Variants in ALK observed in about 807,000 individuals in gnomAD.
ALK encodes ALK tyrosine kinase receptor.
A neutral mutation model predicts 163.1 loss-of-function variants in ALK; 74 were observed. The ratio of observed to expected loss-of-function variants is 0.45; its 90% CI spans 0.38 to 0.55. The LOEUF is 0.55. ALK is among the 20% of genes least tolerant of loss of function. ALK has a pLI of 0.00. For missense variants in ALK, 2,063 were observed against 2,105.3 expected (o/e 0.98, Z 0.39); for synonymous variants, 960 against 843.2 (o/e 1.14, Z -2.40).
chr2:29,232,856 C>G (rs149690469), intron 14 of ALK, among the ~76,000 whole-genome samples: 1 of 152,148 alleles, frequency 6.6e-6, no homozygotes, highest in African/African-American at 2.4e-5. Context: ...CTGGCTCTGA[C>G]CCCCAAAGAT....
chr2:29,300,502 C>A (rs1023637163), intron 8 of ALK, among the ~76,000 whole-genome samples: 1 of 146,400 alleles, frequency 6.8e-6, no homozygotes, highest in Non-Finnish European at 1.5e-5. Context: ...TTGCAGTGAG[C>A]CGAGATTGTG....
At chr2:29,776,234 A>T (rs1226268444) in intron 1 of ALK, among the ~76,000 whole-genome samples, 556 of 6,508 alleles carry the variant, frequency 0.085, 9 homozygotes, top group Admixed American at 0.44. Flanking sequence ...TTAAAAAAAA[A>T]AAAAAAAAAA....
At position 29,201,424 on chromosome 2, in the gene ALK, T is replaced by C. The variant is rs191898056; in HGVS notation, c.3939-3748A>G. ...CAAGCCCAAAACCCAGGAGTCATCC[T>C]TGACTCCGTTATCCCACACCCCTCC... On this transcript the variant is annotated intron_variant, in intron 26 of 28. Coordinates refer to ENST00000389048, the MANE Select transcript of ALK (RefSeq NM_004304.5). Among the ~76,000 whole-genome samples the C allele has an allele frequency of 2.5e-3, 384 of 152,270 alleles. 2 individuals are homozygous for C. The highest frequency in any genetic ancestry group is 8.4e-3 in the African/African-American group (351 of 41,550).
chr2:29,363,012 T>C (rs1668419930), intron 5 of ALK, among the ~76,000 whole-genome samples: 1 of 152,234 alleles, frequency 6.6e-6, no homozygotes, highest in South Asian at 2.1e-4. Context: ...AAGATGTTTC[T>C]GGGAATGTTT....
intron 3 of ALK, among the ~76,000 whole-genome samples, chr2:29,589,108 G>C (rs1018290493): frequency 6.6e-6 from 1 of 152,154 alleles, no homozygotes; most frequent in African/African-American, 2.4e-5. Flanking sequence ...TTCAACCACC[G>C]AGCAAGCGAT....
chr2:29,479,116 G>A (rs56048811), intron 4 of ALK, among the ~76,000 whole-genome samples: 76,311 of 151,982 alleles, frequency 0.5, 20,384 homozygotes, highest in South Asian at 0.64. Context: ...GAAAGGGAGT[G>A]TGTTAGAGAG....
At position 29,920,438 on chromosome 2, in the gene ALK, T is replaced by C. The variant is rs770659336; in HGVS notation, c.222A>G (p.Pro74=). Residue 74 remains proline, a synonymous_variant, in exon 1 of 29, where the codon CCA becomes CCG. Coordinates refer to ENST00000389048, the MANE Select transcript of ALK (RefSeq NM_004304.5). The part of the protein sequence containing the change: ...FRVYARDLLL[P]PSSSELKAGR... ...CAGCCTTCAGCTCCGAGGAGGATGG[T>C]GGCAGCAGTAGGTCCCGGGCGTAGA... The C allele has an allele frequency of 1.4e-5, 22 of 1,607,822 alleles. No individual in the cohort carries two copies. Among genetic ancestry groups the C allele is most frequent in the Non-Finnish European group, 1.9e-5 (22 of 1,177,568 alleles).
chr2:29,208,161 G>A (rs1669364702), intron 25 of ALK: 3 of 411,786 alleles, frequency 7.3e-6, no homozygotes, highest in South Asian at 5.0e-5. Flanking sequence ...GCAGGTATGT[G>A]CAAGGCTCAG....
intron 5 of ALK, among the ~76,000 whole-genome samples, chr2:29,382,879 T>A (rs569658581): frequency 8.7e-4 from 132 of 152,306 alleles, no homozygotes; most frequent in African/African-American, 2.9e-3. Flanking sequence ...TAAAATTTCC[T>A]GCAAAGCCAG....
At chr2:29,889,024 C>T (rs1667064643) in intron 1 of ALK, among the ~76,000 whole-genome samples, 1 of 152,154 alleles carries the variant, frequency 6.6e-6, no homozygotes, top group Non-Finnish European at 1.5e-5. Context: ...ACTGTGGGAG[C>T]ATCTCTGTCT....
At chr2:29,256,275 G>A (rs755258363) in intron 11 of ALK, among the ~76,000 whole-genome samples, 81 of 152,286 alleles carry the variant, frequency 5.3e-4, no homozygotes, top group Non-Finnish European at 9.4e-4. Context: ...GTGGGAGGCT[G>A]CACCTCAGGC....
chr2:29,225,202 A>AGTGT (rs1663925202), intron 19 of ALK, among the ~76,000 whole-genome samples: 1 of 151,772 alleles, frequency 6.6e-6, no homozygotes, highest in Non-Finnish European at 1.5e-5. Context: ...GGAGCTCCCC[A>AGTGT]CCCCCTGATC....
At chr2:29,690,736 A>G (rs1558443711) in intron 3 of ALK, among the ~76,000 whole-genome samples, 1 of 152,150 alleles carries the variant, frequency 6.6e-6, no homozygotes, top group Admixed American at 6.5e-5. Context: ...ATAAATTAAA[A>G]CCATTCAGGA....
At chr2:29,403,651 G>T (rs200157755) in intron 4 of ALK, among the ~76,000 whole-genome samples, 1 of 133,712 alleles carries the variant, frequency 7.5e-6, no homozygotes, top group African/African-American at 2.8e-5. Context: ...TGAGTCAGGA[G>T]GATCATTTGA....
At chr2:29,367,175 TG>T (rs1668528385) in intron 5 of ALK, among the ~76,000 whole-genome samples, 1 of 152,162 alleles carries the variant, frequency 6.6e-6, no homozygotes, top group Admixed American at 6.6e-5. Context: ...GGCTCTGTGC[TG>T]GAGGGTGACT....
chr2:29,485,367 T>G (rs1211355190), intron 4 of ALK, among the ~76,000 whole-genome samples: 1 of 152,232 alleles, frequency 6.6e-6, no homozygotes. Context: ...TTTATTTTAG[T>G]GACCATCTTT....
intron 3 of ALK, among the ~76,000 whole-genome samples, chr2:29,688,051 A>G (rs1678288806): frequency 6.6e-6 from 1 of 152,184 alleles, no homozygotes; most frequent in Non-Finnish European, 1.5e-5. Flanking sequence ...GACTTTGGAG[A>G]GTTAGTGTTG....
intron 1 of ALK, among the ~76,000 whole-genome samples, chr2:29,766,858 A>G (rs1680878404): frequency 6.6e-6 from 1 of 152,224 alleles, no homozygotes; most frequent in Non-Finnish European, 1.5e-5. Flanking sequence ...AAAGGAGACC[A>G]GTGCTGACAG....
At chr2:29,754,467 T>C (rs1680457881) in intron 1 of ALK, among the ~76,000 whole-genome samples, 1 of 152,100 alleles carries the variant, frequency 6.6e-6, no homozygotes, top group African/African-American at 2.4e-5. Context: ...TCTTCATCTG[T>C]GATGAGGAAT....
Sources: gnomAD v4.1 joint callset for allele counts (sites outside exome capture counted in the v4.1 genomes callset) on GRCh38, gnomAD v4.1.1 for gene constraint, MANE v1.5 for transcripts, NCBI Gene and HGNC (gene_info 2026-07-23, HGNC 2026-07-21) for gene names.